Variants in NTM observed in about 807,000 individuals in gnomAD.
NTM encodes neurotrimin.
NTM carries 13 observed loss-of-function variants against 42.1 expected under a neutral mutation model. The observed-to-expected ratio is 0.31, with a 90% CI of 0.20 to 0.49. The LOEUF is 0.49. NTM is among the 20% of genes least tolerant of loss of function. The pLI is 0.99. For synonymous variants in NTM, 187 were observed against 179.2 expected (o/e 1.04, Z -0.35); for missense variants, 373 against 452.8 (o/e 0.82, Z 1.60).
intron 1 of NTM, among the ~76,000 whole-genome samples, chr11:131,452,149 C>A (rs1354672908): frequency 6.6e-6 from 1 of 152,216 alleles, no homozygotes; most frequent in Non-Finnish European, 1.5e-5. Flanking sequence ...TTATCACCAT[C>A]AAGGACTTCT....
At chr11:131,427,913 C>A (rs1336843435) in intron 1 of NTM, among the ~76,000 whole-genome samples, 1 of 152,170 alleles carries the variant, frequency 6.6e-6, no homozygotes, top group Non-Finnish European at 1.5e-5. Context: ...TTTCTCTGAG[C>A]TAATATCGAT....
intron 1 of NTM, chr11:131,794,545 C>G: frequency 1.0e-6 from 1 of 985,096 alleles, no homozygotes; most frequent in Non-Finnish European, 1.2e-6. Context: ...TGCTTTTTAC[C>G]TATTCATTCA....
intron 2 of NTM, among the ~76,000 whole-genome samples, chr11:132,050,347 G>T (rs1006939310): frequency 2.0e-5 from 3 of 152,100 alleles, no homozygotes; most frequent in African/African-American, 4.8e-5. Flanking sequence ...TTCCATGGCT[G>T]GTCCTCAGAG....
chr11:131,444,688 C>G (rs539123490), intron 1 of NTM, among the ~76,000 whole-genome samples: 2 of 152,086 alleles, frequency 1.3e-5, no homozygotes, highest in African/African-American at 4.8e-5. Flanking sequence ...GGGGGTGTGG[C>G]ACAGAACATT....
intron 1 of NTM, among the ~76,000 whole-genome samples, chr11:131,511,399 G>A (rs1008663153): frequency 8.5e-5 from 13 of 152,240 alleles, no homozygotes; most frequent in African/African-American, 2.2e-4. Flanking sequence ...CTCTGTCTTC[G>A]CCTGCCGCTG....
At chr11:131,517,999 G>T (rs1390586986) in intron 1 of NTM, among the ~76,000 whole-genome samples, 1 of 152,204 alleles carries the variant, frequency 6.6e-6, no homozygotes, top group Non-Finnish European at 1.5e-5. Flanking sequence ...TAATTATCAT[G>T]TCTCTCATTT....
chr11:131,592,630 TACACACACACACCCCAAACACACACAC>T (rs912061888), intron 1 of NTM, among the ~76,000 whole-genome samples: 1 of 127,864 alleles, frequency 7.8e-6, no homozygotes, highest in African/African-American at 3.0e-5. Context: ...CCAACACAAA[TACACACACACACCCCAAACACACACAC>T]ACACACACAC....
chr11:131,495,728 G>T (rs939371296), intron 1 of NTM, among the ~76,000 whole-genome samples: 2 of 152,210 alleles, frequency 1.3e-5, no homozygotes, highest in South Asian at 2.1e-4. Context: ...GCCCCAGACT[G>T]CTTCAAGCTG....
At chr11:132,113,336 T>C (rs1485246341) in intron 2 of NTM, among the ~76,000 whole-genome samples, 1 of 152,196 alleles carries the variant, frequency 6.6e-6, no homozygotes, top group South Asian at 2.1e-4. Context: ...TGCATTTAAA[T>C]AGTATTTTCA....
intron 1 of NTM, among the ~76,000 whole-genome samples, chr11:131,780,248 G>C (rs1164510802): frequency 6.6e-6 from 1 of 152,132 alleles, no homozygotes; most frequent in African/African-American, 2.4e-5. Flanking sequence ...CCAGACAAGA[G>C]AGCCACGCAG....
chr11:131,390,472 A>G (rs146247802), intron 1 of NTM, among the ~76,000 whole-genome samples: 2 of 152,308 alleles, frequency 1.3e-5, no homozygotes, highest in East Asian at 3.9e-4. Context: ...GCAAACCAGA[A>G]AAATAACCTG....
At chr11:131,828,655 T>A (rs2042432227) in intron 1 of NTM, among the ~76,000 whole-genome samples, 1 of 152,010 alleles carries the variant, frequency 6.6e-6, no homozygotes, top group Non-Finnish European at 1.5e-5. Flanking sequence ...CCACCACTGT[T>A]ACTACTATCT....
At chr11:132,334,078 G>T (rs1465762054) in intron 8 of NTM, among the ~76,000 whole-genome samples, 2 of 152,242 alleles carry the variant, frequency 1.3e-5, no homozygotes, top group Non-Finnish European at 2.9e-5. Context: ...AGCAGGTCCA[G>T]TCTGAGGAGG....
At position 131,457,223 on chromosome 11, in the gene NTM, G is replaced by T. The variant is rs546502475; in HGVS notation, c.82+86335G>T. Among the ~76,000 whole-genome samples the T allele has an allele frequency of 2.0e-5, 3 of 152,312 alleles. No homozygotes were observed. In the East Asian group the frequency reaches 5.8e-4, roughly 29 times the overall value. ...CATGAAGAAAAACAAAGAAGACTAA[G>T]TCCAAGAGAGTGTGTCCTGTATCTT... On this transcript the variant is annotated intron_variant, in intron 1 of 8. Transcript: ENST00000683400.
chr11:132,133,662 A>G (rs2067227822), intron 2 of NTM, among the ~76,000 whole-genome samples: 1 of 152,096 alleles, frequency 6.6e-6, no homozygotes, highest in Non-Finnish European at 1.5e-5. Context: ...CCTTAAGAGC[A>G]TGTCTGTTTA....
chr11:132,198,175 A>G (rs1028197805), intron 3 of NTM, among the ~76,000 whole-genome samples: 2 of 152,150 alleles, frequency 1.3e-5, no homozygotes, highest in African/African-American at 4.8e-5. Context: ...AAATTAAATA[A>G]CTTTCTGAAA....
intron 1 of NTM, among the ~76,000 whole-genome samples, chr11:131,408,423 C>G (rs1232409845): frequency 6.6e-6 from 1 of 152,122 alleles, no homozygotes; most frequent in South Asian, 2.1e-4. Context: ...GGTGAAGCAT[C>G]TAGAAGGTGC....
intron 2 of NTM, among the ~76,000 whole-genome samples, chr11:132,112,381 GA>G: frequency 6.6e-6 from 1 of 152,094 alleles, no homozygotes; most frequent in East Asian, 1.9e-4. Flanking sequence ...AAGGAAGAAA[GA>G]AAAAAATGAA....
intron 1 of NTM, among the ~76,000 whole-genome samples, chr11:131,495,275 C>A (rs1238006298): frequency 4.6e-5 from 7 of 152,184 alleles, no homozygotes; most frequent in Admixed American, 4.6e-4. Context: ...TGTCGGTAGT[C>A]CTCTCTCCCA....
Sources: allele counts gnomAD v4.1 joint callset (sites outside exome capture counted in the v4.1 genomes callset), GRCh38; gene constraint gnomAD v4.1.1; transcripts MANE v1.5; gene names NCBI Gene and HGNC (gene_info 2026-07-23, HGNC 2026-07-21).